The following CLTCL1 variants were observed in gnomAD, a reference collection of about 807,000 sequenced individuals.
CLTCL1 encodes the protein clathrin heavy chain 2.
Under a neutral mutation model 190.0 loss-of-function variants are expected in CLTCL1, and 159 were observed. The ratio of observed to expected loss-of-function variants is 0.84; its 90% CI spans 0.74 to 0.95. The LOEUF (loss-of-function observed/expected upper bound fraction) is 0.95. Among genes scored for constraint, CLTCL1 ranks in the 40% least tolerant of loss-of-function variants. The probability of loss-of-function intolerance (pLI) is 0.00; values close to 1 mark genes in which losing one functional copy is unlikely to be tolerated. For missense variants in CLTCL1, 1,878 were observed against 2,033.4 expected (o/e 0.92, Z 1.47); for synonymous variants, 752 against 769.6 (o/e 0.98, Z 0.38).
intron 10 of CLTCL1, among the ~76,000 whole-genome samples, chr22:19,231,434 C>T (rs571927670): frequency 1.3e-5 from 2 of 152,200 alleles, no homozygotes; most frequent in African/African-American, 4.8e-5. Context: ...CACTATGTTG[C>T]CCAGGCTCCC....
At chr22:19,213,657 C>T (rs1473107748) in intron 19 of CLTCL1, among the ~76,000 whole-genome samples, 1 of 152,174 alleles carries the variant, frequency 6.6e-6, no homozygotes, top group East Asian at 1.9e-4. Context: ...GGCATCATCA[C>T]GCTGGGTGAA....
At position 19,242,949 on chromosome 22, in the gene CLTCL1, A is replaced by G. The variant is rs1369731049; in HGVS notation, c.520-13T>C. On this transcript the variant is annotated splice_polypyrimidine_tract_variant and intron_variant, in intron 3 of 32. Transcript: ENST00000427926. Reference sequence around the variant, plus strand: ...CCACACGGTTTTGCTAAGAAAAGATATTATGCAATGAAAGGGAGAGAAAAG... The same window carrying G: ...CCACACGGTTTTGCTAAGAAAAGATGTTATGCAATGAAAGGGAGAGAAAAG... 9.9e-6 allele frequency: 16 copies of G among 1,608,182 alleles called. No individual in the cohort carries two copies. The highest frequency in any genetic ancestry group is 1.2e-5 in the Non-Finnish European group (14 of 1,175,964).
At chr22:19,252,804 G>A (rs1414984994) in intron 3 of CLTCL1, among the ~76,000 whole-genome samples, 2 of 152,188 alleles carry the variant, frequency 1.3e-5, no homozygotes, top group African/African-American at 2.4e-5. Context: ...CACGAGGTCA[G>A]GAGATCAAGG....
At chr22:19,287,142 C>T (rs1463427662) in intron 1 of CLTCL1, among the ~76,000 whole-genome samples, 5 of 152,168 alleles carry the variant, frequency 3.3e-5, no homozygotes, top group African/African-American at 1.2e-4. Context: ...TCAGCCCATC[C>T]TCAGATATTA....
In CLTCL1 at chr22:19,188,051, A is replaced by C; in HGVS notation, c.4364T>G (p.Val1455Gly). The C allele has an allele frequency of 6.2e-7, 1 of 1,613,982 alleles. No individual in the cohort carries two copies. Among genetic ancestry groups the C allele is most frequent in the Non-Finnish European group, 8.5e-7 (1 of 1,179,888 alleles). The change falls in exon 28 of 33, where the codon GTC becomes GGC. Residue 1455 changes from valine to glycine, a missense_variant. Physicochemically the swap from Val to Gly is moderately radical, Grantham distance 109. Transcript: ENST00000427926. ...CACACTCTTGTTGTTGTGGCTCTGG[A>C]CTGACCGCAGGTAAGGCTTCACCAG... Reference protein sequence around the residue: ...LPLVKPYLRSVQSHNNKSVNE... With the variant: ...LPLVKPYLRSGQSHNNKSVNE...
intron 14 of CLTCL1, among the ~76,000 whole-genome samples, 179 bp downstream of exon 14, chr22:19,223,712 T>TAA (rs1228727111): frequency 6.6e-6 from 1 of 152,182 alleles, no homozygotes; most frequent in Non-Finnish European, 1.5e-5. Flanking sequence ...TCCACACTCT[T>TAA]AAAACGATAG....
At chr22:19,238,381 C>T (rs2086147832) in intron 5 of CLTCL1, 1 of 152,338 alleles carries the variant, frequency 6.6e-6, no homozygotes, top group Non-Finnish European at 1.5e-5. Context: ...TGAGCCAACG[C>T]GCCCGGCCAA....
At chr22:19,243,471 T>C (rs1021774228) in intron 3 of CLTCL1, among the ~76,000 whole-genome samples, 1 of 151,848 alleles carries the variant, frequency 6.6e-6, no homozygotes, top group African/African-American at 2.4e-5. Context: ...ATAAGAAAAT[T>C]AGCTGGTCAT....
intron 22 of CLTCL1, among the ~76,000 whole-genome samples, chr22:19,202,840 C>A (rs1042942353): frequency 1.3e-5 from 2 of 152,226 alleles, no homozygotes; most frequent in Non-Finnish European, 1.5e-5. Flanking sequence ...CCTTTCACAG[C>A]ACAGTGTCCG....
intron 2 of CLTCL1, among the ~76,000 whole-genome samples, chr22:19,272,822 AG>A (rs1385832308): frequency 3.3e-5 from 5 of 152,152 alleles, no homozygotes; most frequent in African/African-American, 1.2e-4. Context: ...TCTGTCACCC[AG>A]GCTGGAATGC....
intron 3 of CLTCL1, chr22:19,249,982 G>A (rs896738323): frequency 3.6e-5 from 13 of 357,644 alleles, no homozygotes; most frequent in African/African-American, 1.5e-4. Context: ...GGCCGGGCGC[G>A]GTGGCTCACA....
At chr22:19,229,718 G>T in intron 11 of CLTCL1, 120 bp downstream of exon 11, 1 of 972,376 alleles carries the variant, frequency 1.0e-6, no homozygotes. Context: ...CCACTGAGAA[G>T]TACAAGATAA....
intron 5 of CLTCL1, chr22:19,238,514 C>A: frequency 4.6e-6 from 1 of 216,306 alleles, no homozygotes; most frequent in Non-Finnish European, 1.0e-5. Flanking sequence ...TTGATCCTGT[C>A]ACGAACACAC....
chr22:19,188,231 A>G, intron 27 of CLTCL1, 140 bp from the exon 28 acceptor site: 1 of 707,062 alleles, frequency 1.4e-6, no homozygotes, highest in East Asian at 2.6e-5. Context: ...GACACCTAGA[A>G]CCAAAAGACC....
At chr22:19,187,839 AG>A (rs1412297151) in intron 28 of CLTCL1, 111 bp from the exon 29 acceptor site, 1 of 1,365,826 alleles carries the variant, frequency 7.3e-7, no homozygotes, top group Non-Finnish European at 1.0e-6. Flanking sequence ...AGCCTTAGAA[AG>A]GCCCCTGCCC....
At chr22:19,209,625 C>A (rs1555945328) in intron 20 of CLTCL1, among the ~76,000 whole-genome samples, 1 of 152,216 alleles carries the variant, frequency 6.6e-6, no homozygotes, top group East Asian at 1.9e-4. Flanking sequence ...CAAAGCAAGG[C>A]CAGAGCCCAT....
chr22:19,266,862 T>C (rs1280146084), intron 2 of CLTCL1, among the ~76,000 whole-genome samples: 1 of 152,182 alleles, frequency 6.6e-6, no homozygotes, highest in East Asian at 1.9e-4. Context: ...ATAAAGGATT[T>C]ATCTACCCCA....
At chr22:19,241,941 C>CATTT (rs1363484401) in intron 4 of CLTCL1, among the ~76,000 whole-genome samples, 1 of 139,084 alleles carries the variant, frequency 7.2e-6, no homozygotes. Context: ...CCTCATCTAC[C>CATTT]TTTTTTTTTT....
At chr22:19,180,606 G>A (rs1357255392) in intron 31 of CLTCL1, 125 bp downstream of exon 31, 4 of 891,528 alleles carry the variant, frequency 4.5e-6, no homozygotes, top group Non-Finnish European at 7.1e-6. Context: ...TAGCCACTGG[G>A]ATCCTTCCAG....
Sources: gnomAD v4.1 joint callset for allele counts (sites outside exome capture counted in the v4.1 genomes callset) on GRCh38, gnomAD v4.1.1 for gene constraint, MANE v1.5 for transcripts, NCBI Gene and HGNC (gene_info 2026-07-23, HGNC 2026-07-21) for gene names.